The following THEMIS variants were observed in gnomAD, a reference collection of about 807,000 sequenced individuals.
THEMIS encodes protein THEMIS.
Under a neutral mutation model 52.6 loss-of-function variants are expected in THEMIS, and 37 were observed. The observed-to-expected ratio is 0.70, with a 90% CI of 0.54 to 0.93. The LOEUF (loss-of-function observed/expected upper bound fraction) is 0.93, where lower values mean the gene tolerates loss of function less well. Among genes scored for constraint, THEMIS ranks in the 40% least tolerant of loss-of-function variants. THEMIS has a pLI of 0.00. For missense variants in THEMIS, 808 were observed against 763.1 expected (o/e 1.06, Z -0.69); for synonymous variants, 292 against 272.7 (o/e 1.07, Z -0.70).
rs148504093 is a variant in THEMIS at position 127,781,446 on chromosome 6, T to C, written c.1758+31437A>G. Among the ~76,000 whole-genome samples, 249 of 151,876 alleles carry C rather than the reference T, an allele frequency of 1.6e-3. 1 individual carries two copies. The highest frequency in any genetic ancestry group is 2.8e-3 in the Non-Finnish European group (189 of 67,934). Reference sequence around the variant, plus strand: ...GTTTTGTTCCCTTACTGGTGAGGAGTTGTGATCTTTTGGAGAAGAAGTGTT... The same window carrying C: ...GTTTTGTTCCCTTACTGGTGAGGAGCTGTGATCTTTTGGAGAAGAAGTGTT... On this transcript the variant is annotated intron_variant, in intron 4 of 5. Coordinates refer to ENST00000368248, the MANE Select transcript of THEMIS (RefSeq NM_001010923.3).
At chr6:127,784,844 T>C (rs1011219492) in intron 4 of THEMIS, among the ~76,000 whole-genome samples, 1 of 152,126 alleles carries the variant, frequency 6.6e-6, no homozygotes, top group African/African-American at 2.4e-5. Context: ...TTAGGCCTGT[T>C]TGAGAGGAGA....
chr6:127,768,436 A>G (rs1009758450), intron 4 of THEMIS, among the ~76,000 whole-genome samples: 4 of 152,156 alleles, frequency 2.6e-5, no homozygotes, highest in Non-Finnish European at 1.5e-5. Context: ...TCAGTTTTCT[A>G]GTCTGAAGGG....
intron 4 of THEMIS, among the ~76,000 whole-genome samples, chr6:127,779,762 C>A (rs1776682931): frequency 6.6e-6 from 1 of 152,026 alleles, no homozygotes; most frequent in Admixed American, 6.6e-5. Context: ...CCTCTCTTGG[C>A]CTTTAGTTGC....
intron 3 of THEMIS, among the ~76,000 whole-genome samples, chr6:127,825,699 A>G (rs1778484443): frequency 6.6e-6 from 1 of 152,174 alleles, no homozygotes; most frequent in Admixed American, 6.5e-5. Context: ...AAAAATAAGC[A>G]ATTCCAATTG....
intron 4 of THEMIS, among the ~76,000 whole-genome samples, chr6:127,785,322 T>C (rs544559050): frequency 6.6e-6 from 1 of 152,088 alleles, no homozygotes; most frequent in South Asian, 2.1e-4. Flanking sequence ...ATATCCATGG[T>C]ATACAGGAAC....
At position 127,825,929 on chromosome 6, in the gene THEMIS, T is replaced by C. The variant is rs1369840638; in HGVS notation, c.709+3547A>G. 2.0e-5 allele frequency among the ~76,000 whole-genome samples: 3 copies of C among 152,212 alleles called. No individual in the cohort carries two copies. In the East Asian group the frequency reaches 5.8e-4, roughly 29 times the overall value. ...GAAAAACAGTTATGGAGAAATGGAA[T>C]TATACTCGTTATACACCACTTGGTT... On this transcript the variant is annotated intron_variant, in intron 3 of 5. Coordinates refer to ENST00000368248, the MANE Select transcript of THEMIS (RefSeq NM_001010923.3).
chr6:127,709,202 C>T lies in THEMIS; in HGVS notation c.*783G>A. On this transcript the variant is annotated 3_prime_UTR_variant, in exon 6 of 6. Transcript: ENST00000368248. ...TACAATTTTATTGTCTTTTTCTTTC[C>T]ATCAAATATTATGATTAACTAGATA... 6.6e-6 allele frequency: 1 copy of T among 151,888 alleles called. No homozygotes were observed. Among genetic ancestry groups the T allele is most frequent in the East Asian group, 1.9e-4 (1 of 5,166 alleles). The allele number at this position is 151,888 out of a possible 1,614,324, so 9.4% of individuals were successfully genotyped here.
chr6:127,823,237 C>G (rs1778400096), intron 3 of THEMIS, among the ~76,000 whole-genome samples: 1 of 152,100 alleles, frequency 6.6e-6, no homozygotes, highest in Non-Finnish European at 1.5e-5. Flanking sequence ...ACTAGAGTAT[C>G]TACTGGTTCT....
intron 4 of THEMIS, among the ~76,000 whole-genome samples, chr6:127,746,781 AAT>A (rs1562230926): frequency 5.3e-5 from 3 of 56,118 alleles, no homozygotes; most frequent in African/African-American, 1.8e-4. Flanking sequence ...TATTATATAT[AAT>A]TATATATTAT....
upstream of THEMIS, among the ~76,000 whole-genome samples, chr6:127,902,947 C>T (rs1014003355): frequency 2.0e-5 from 3 of 152,028 alleles, no homozygotes; most frequent in African/African-American, 7.2e-5. Flanking sequence ...ATCCTACTAG[C>T]CAAACAGCCA....
intron 4 of THEMIS, among the ~76,000 whole-genome samples, chr6:127,751,710 A>C: frequency 6.6e-6 from 1 of 151,734 alleles, no homozygotes; most frequent in East Asian, 1.9e-4. Flanking sequence ...ATAAAAAAGA[A>C]CAGAACTGAA....
intron 5 of THEMIS, among the ~76,000 whole-genome samples, chr6:127,711,586 C>T (rs1773984163): frequency 6.6e-6 from 1 of 151,918 alleles, no homozygotes; most frequent in Non-Finnish European, 1.5e-5. Flanking sequence ...CCACTGTCCT[C>T]AATGGCTGCC....
intron 4 of THEMIS, among the ~76,000 whole-genome samples, chr6:127,799,529 C>CTCTTTCTTTCTT (rs66495087): frequency 6.9e-6 from 1 of 145,764 alleles, no homozygotes; most frequent in African/African-American, 2.7e-5. Context: ...TTCTTTCTTT[C>CTCTTTCTTTCTT]TCTTTCTTTC....
intron 4 of THEMIS, among the ~76,000 whole-genome samples, chr6:127,773,113 T>C (rs894049792): frequency 5.3e-5 from 8 of 152,188 alleles, no homozygotes; most frequent in Non-Finnish European, 5.9e-5. Context: ...AAGCTAGAGA[T>C]AATCCCAAGA....
At chr6:127,796,567 C>G (rs1777336276) in intron 4 of THEMIS, among the ~76,000 whole-genome samples, 1 of 152,076 alleles carries the variant, frequency 6.6e-6, no homozygotes, top group Non-Finnish European at 1.5e-5. Flanking sequence ...TCCCACATAA[C>G]TTTTTGGAAA....
At chr6:127,847,343 T>G (rs1035113386) in intron 2 of THEMIS, among the ~76,000 whole-genome samples, 2 of 152,022 alleles carry the variant, frequency 1.3e-5, no homozygotes, top group Non-Finnish European at 2.9e-5. Flanking sequence ...GAAGTCAAAC[T>G]GTTGATATTT....
chr6:127,781,348 G>A (rs559389677), intron 4 of THEMIS, among the ~76,000 whole-genome samples: 64 of 151,968 alleles, frequency 4.2e-4, no homozygotes, highest in African/African-American at 1.4e-3. Context: ...TGCTCCTTTA[G>A]CTTGGAGGAG....
chr6:127,788,285 T>C (rs1016548647), intron 4 of THEMIS, among the ~76,000 whole-genome samples: 4 of 152,186 alleles, frequency 2.6e-5, no homozygotes, highest in African/African-American at 4.8e-5. Context: ...GATTGGACTG[T>C]GTGGTAATCT....
intron 2 of THEMIS, among the ~76,000 whole-genome samples, chr6:127,842,199 A>C (rs933952508): frequency 1.3e-5 from 2 of 152,190 alleles, no homozygotes; most frequent in South Asian, 2.1e-4. Flanking sequence ...CAAATAAAAA[A>C]ATCAGCTACA....
Sources: allele counts gnomAD v4.1 joint callset (sites outside exome capture counted in the v4.1 genomes callset), GRCh38; gene constraint gnomAD v4.1.1; transcripts MANE v1.5; gene names NCBI Gene and HGNC (gene_info 2026-07-23, HGNC 2026-07-21).